NOL4: variants seen among roughly 807,000 people sequenced by gnomAD.
NOL4 encodes the protein nucleolar protein 4.
A neutral mutation model predicts 75.9 loss-of-function variants in NOL4; 17 were observed. That is an observed-to-expected ratio of 0.22 (90% confidence interval 0.15 to 0.34). The LOEUF (loss-of-function observed/expected upper bound fraction) is 0.34. NOL4 is among the 10% of genes least tolerant of loss of function. NOL4 has a pLI of 1.00. For missense variants in NOL4, 614 were observed against 793.5 expected (o/e 0.77, Z 2.72); for synonymous variants, 292 against 289.9 (o/e 1.01, Z -0.07).
intron 6 of NOL4, among the ~76,000 whole-genome samples, chr18:34,009,840 C>T (rs1366143991): frequency 6.6e-6 from 1 of 151,824 alleles, no homozygotes. Context: ...TTAGTATAAT[C>T]ATATATACAA....
chr18:34,028,305 G>T (rs1037336128), intron 5 of NOL4, among the ~76,000 whole-genome samples: 1 of 152,180 alleles, frequency 6.6e-6, no homozygotes, highest in Non-Finnish European at 1.5e-5. Flanking sequence ...ACTGAGCTTT[G>T]CAGCACCTGA....
chr18:34,163,536 G>A (rs1325739260), intron 1 of NOL4, among the ~76,000 whole-genome samples: 1 of 152,134 alleles, frequency 6.6e-6, no homozygotes, highest in Non-Finnish European at 1.5e-5. Flanking sequence ...ACTTACAAGG[G>A]ATGTGAAGGA....
intron 6 of NOL4, among the ~76,000 whole-genome samples, chr18:33,993,542 C>T (rs2073069069): frequency 6.6e-6 from 1 of 151,772 alleles, no homozygotes; most frequent in African/African-American, 2.4e-5. Flanking sequence ...TTTCCCACAA[C>T]AACAACAACA....
intron 1 of NOL4, among the ~76,000 whole-genome samples, chr18:34,172,457 T>C (rs1310815644): frequency 6.6e-6 from 1 of 152,160 alleles, no homozygotes; most frequent in Non-Finnish European, 1.5e-5. Flanking sequence ...TTTCCATATC[T>C]TGGCTATTGT....
intron 1 of NOL4, among the ~76,000 whole-genome samples, chr18:34,145,204 T>C (rs142322719): frequency 6.6e-6 from 1 of 152,242 alleles, no homozygotes; most frequent in Non-Finnish European, 1.5e-5. Flanking sequence ...GAAAGGTTTT[T>C]ATGGAAATTG....
chr18:33,887,045 G>GATCTAATATATATCTAT (rs2064763932), intron 9 of NOL4, among the ~76,000 whole-genome samples: 1 of 123,560 alleles, frequency 8.1e-6, no homozygotes, highest in Non-Finnish European at 1.6e-5. Flanking sequence ...ATTATATCTA[G>GATCTAATATATATCTAT]ATCTAATATA....
At chr18:33,895,671 C>T (rs2065354569) in intron 9 of NOL4, among the ~76,000 whole-genome samples, 1 of 151,878 alleles carries the variant, frequency 6.6e-6, no homozygotes, top group Non-Finnish European at 1.5e-5. Flanking sequence ...AAAAAATAGC[C>T]ATCTATGGTA....
At chr18:34,211,141 A>G (rs528663577) in intron 1 of NOL4, among the ~76,000 whole-genome samples, 11 of 147,412 alleles carry the variant, frequency 7.5e-5, no homozygotes, top group African/African-American at 2.7e-4. Flanking sequence ...GGAAGGAAGG[A>G]AAAGAAAAAT....
intron 1 of NOL4, among the ~76,000 whole-genome samples, chr18:34,141,526 A>G (rs1369208612): frequency 6.6e-5 from 10 of 152,160 alleles, no homozygotes; most frequent in Admixed American, 6.6e-4. Context: ...CATAAATAAT[A>G]CCACACATCT....
At position 33,958,374 on chromosome 18, in the gene NOL4, C is replaced by T. The variant is rs770761242; in HGVS notation, c.1101G>A (p.Glu367=). 22 of 1,613,376 alleles carry T rather than the reference C, an allele frequency of 1.4e-5. No homozygotes were observed. Among genetic ancestry groups the T allele is most frequent in the Non-Finnish European group, 1.7e-5 (20 of 1,179,594 alleles). ...GGTCCTCAGCTCCTCGGTCTACACT[C>T]TCATTTTTGCCAGAGTCATAGCTGG... ...SYSSYDSGKN[E]SVDRGAEDLS... is the part of the protein sequence containing the mutation. Residue 367 remains glutamate, a synonymous_variant, in exon 7 of 11, where the codon GAG becomes GAA. Transcript: ENST00000261592.
chr18:34,209,801 G>A (rs1288607374), intron 1 of NOL4, among the ~76,000 whole-genome samples: 1 of 152,122 alleles, frequency 6.6e-6, no homozygotes, highest in East Asian at 1.9e-4. Flanking sequence ...ATAATTAAAA[G>A]GGGTTAAATA....
At chr18:34,214,808 C>G (rs920949629) in intron 1 of NOL4, among the ~76,000 whole-genome samples, 10 of 152,134 alleles carry the variant, frequency 6.6e-5, no homozygotes, top group Non-Finnish European at 8.8e-5. Context: ...CATATACCTA[C>G]AATGGAATAT....
At chr18:34,073,319 GATAAA>G (rs1286471960) in intron 5 of NOL4, among the ~76,000 whole-genome samples, 1 of 151,972 alleles carries the variant, frequency 6.6e-6, no homozygotes, top group Non-Finnish European at 1.5e-5. Flanking sequence ...AGGCAAATTA[GATAAA>G]ATAGAGAGGT....
chr18:34,129,797 G>A (rs1186213839), intron 2 of NOL4, 74 bp downstream of exon 2: 16 of 1,289,146 alleles, frequency 1.2e-5, no homozygotes, highest in Middle Eastern at 2.0e-4. Context: ...TATAATTATC[G>A]AACCCATTTA....
chr18:33,926,358 C>CAAAAAAA (rs67803985), intron 9 of NOL4, among the ~76,000 whole-genome samples: 1 of 46,546 alleles, frequency 2.1e-5, no homozygotes, highest in Non-Finnish European at 3.7e-5. Flanking sequence ...GACTCCATCT[C>CAAAAAAA]AAAAAAAAAA....
rs58940650 is a variant in NOL4, at chr18:34,099,362, C to CAAAAAA, written c.639+4679_639+4684dup. Among the ~76,000 whole-genome samples the CAAAAAA allele has an allele frequency of 6.1e-4, 49 of 80,018 alleles. 3 individuals carry two copies. Among genetic ancestry groups the CAAAAAA allele is most frequent in the African/African-American group, 1.4e-3 (27 of 19,426 alleles). 52.5% of individuals were successfully genotyped at this position (80,018 alleles called of 152,430 possible). A position where few individuals can be genotyped will look rare whatever the true frequency, so the allele number is the denominator to read the frequency against. On this transcript the variant is annotated intron_variant, in intron 4 of 10. Transcript: ENST00000261592. ...TAGGCAACAGAGTGAGACTTTGTCT[C>CAAAAAA]AAAAAAAAAAAAAAAGACAACTACG...
intron 9 of NOL4, among the ~76,000 whole-genome samples, chr18:33,940,217 A>T (rs1020525521): frequency 2.0e-5 from 3 of 152,098 alleles, no homozygotes; most frequent in Non-Finnish European, 4.4e-5. Context: ...TACCCAAAGG[A>T]TTATAAATCA....
At chr18:34,152,451 A>G (rs958297757) in intron 1 of NOL4, among the ~76,000 whole-genome samples, 3 of 151,948 alleles carry the variant, frequency 2.0e-5, no homozygotes, top group African/African-American at 7.2e-5. Flanking sequence ...CAATGGAGGA[A>G]AATTAATAGA....
At chr18:34,164,480 A>G (rs963494309) in intron 1 of NOL4, among the ~76,000 whole-genome samples, 1 of 152,252 alleles carries the variant, frequency 6.6e-6, no homozygotes, top group African/African-American at 2.4e-5. Context: ...CAGCCAAAAA[A>G]CACATGAAAA....
Sources: gnomAD v4.1 joint callset for allele counts (sites outside exome capture counted in the v4.1 genomes callset) on GRCh38, gnomAD v4.1.1 for gene constraint, MANE v1.5 for transcripts, NCBI Gene and HGNC (gene_info 2026-07-23, HGNC 2026-07-21) for gene names.